The following KLHDC10 variants were observed in gnomAD, a reference collection of about 807,000 sequenced individuals.
KLHDC10 encodes kelch domain-containing protein 10.
Under a neutral mutation model 56.1 loss-of-function variants are expected in KLHDC10, and 24 were observed. The ratio of observed to expected loss-of-function variants is 0.43; its 90% CI spans 0.31 to 0.60. KLHDC10 has a LOEUF of 0.60. Ranked by LOEUF, KLHDC10 falls within the 20% of genes least tolerant of loss-of-function variation. KLHDC10 has a pLI of 0.11. For synonymous variants in KLHDC10, 188 were observed against 207.1 expected (o/e 0.91, Z 0.79); for missense variants, 349 against 567.0 (o/e 0.62, Z 3.91).
chr7:130,115,037 G>A (rs551637893), intron 2 of KLHDC10, among the ~76,000 whole-genome samples: 8 of 151,244 alleles, frequency 5.3e-5, no homozygotes, highest in Admixed American at 1.3e-4. Context: ...ACTGTTTTTT[G>A]TTGCTCTCAA....
Position 130,120,929 on chromosome 7 carries a change from G to A in KLHDC10, c.630+26G>A, listed in dbSNP as rs372062423. The A allele has an allele frequency of 1.9e-6, 3 of 1,605,012 alleles. No individual in the cohort carries two copies. Among genetic ancestry groups the A allele is most frequent in the African/African-American group, 2.7e-5 (2 of 74,584 alleles). On this transcript the variant is annotated intron_variant, in intron 4 of 9. Coordinates refer to ENST00000335420, the MANE Select transcript of KLHDC10 (RefSeq NM_014997.4). The surrounding 1 kb of genome is among the most constrained non-coding windows in gnomAD (Gnocchi z 5.1). Reference sequence around the variant, plus strand: ...GTACCAATCTGTGGCCAGTCATGGTGTATTTGTTCATATTTTTCTAGTCTG... The same window carrying A: ...GTACCAATCTGTGGCCAGTCATGGTATATTTGTTCATATTTTTCTAGTCTG...
rs1013785794 is a variant in KLHDC10, at chr7:130,126,351, G to T, written c.931+420G>T. 5.3e-5 allele frequency among the ~76,000 whole-genome samples: 8 copies of T among 151,938 alleles called. No homozygotes were observed. In the South Asian group the frequency reaches 6.2e-4, roughly 12 times the overall value. On this transcript the variant is annotated intron_variant, in intron 7 of 9. Coordinates refer to ENST00000335420, the MANE Select transcript of KLHDC10 (RefSeq NM_014997.4). ...AGAAAAATCTGTTGAACTGGTATTAGAAAATACTTGTATTCCTTAGCCCAA... is the reference window on the plus strand; with the variant it reads ...AGAAAAATCTGTTGAACTGGTATTATAAAATACTTGTATTCCTTAGCCCAA...
intron 1 of KLHDC10, among the ~76,000 whole-genome samples, chr7:130,084,813 A>G (rs960145186): frequency 5.3e-5 from 8 of 151,924 alleles, no homozygotes; most frequent in African/African-American, 1.9e-4. Flanking sequence ...GTCTTGAGCA[A>G]TTGGATAGAT....
In KLHDC10 at chr7:130,070,778, C is replaced by G; in HGVS notation, c.135C>G (p.Phe45Leu). 2 of 1,307,036 alleles carry G rather than the reference C, an allele frequency of 1.5e-6. No individual in the cohort carries two copies. Among genetic ancestry groups the G allele is most frequent in the Non-Finnish European group, 2.0e-6 (2 of 1,025,418 alleles). The allele number at this position is 1,307,036 out of a possible 1,614,324, so 81.0% of individuals were successfully genotyped here. ...GGRGTGQLNR[F>L]VQLSGRPHLP... ...GGGGGACTGGCCAGCTCAACCGCTT[C>G]GTGCAACTCTCCGGGCGGCCGCACC... Residue 45 changes from phenylalanine (F) to leucine (L), a missense_variant, in exon 1 of 10, where the codon TTC (phenylalanine) becomes TTG (leucine). Phe to Leu is a conservative substitution (Grantham distance 22). This residue lies in a region of KLHDC10 where 104 missense variants were observed against 97.0 expected (regional missense o/e 1.07). Transcript: ENST00000335420.
chr7:130,128,887 AAAATATATATATATATAT>A (rs1332069889), intron 8 of KLHDC10, among the ~76,000 whole-genome samples: 1 of 68,282 alleles, frequency 1.5e-5, no homozygotes, highest in African/African-American at 6.8e-5. Flanking sequence ...AAAAAAAAAA[AAAATATATATATATATAT>A]ATATATATAT....
intron 2 of KLHDC10, among the ~76,000 whole-genome samples, chr7:130,109,620 C>T (rs1420611567): frequency 6.6e-6 from 1 of 151,854 alleles, no homozygotes; most frequent in Non-Finnish European, 1.5e-5. Context: ...ATTATTTTGC[C>T]ACTATCCTAA....
chr7:130,118,104 G>A (rs1796195466), intron 3 of KLHDC10, among the ~76,000 whole-genome samples: 1 of 151,980 alleles, frequency 6.6e-6, no homozygotes, highest in Non-Finnish European at 1.5e-5. Flanking sequence ...ACCTGGGAAG[G>A]TGGGGGTTGC....
At position 130,129,469 on chromosome 7, in the gene KLHDC10, G is replaced by A. The variant is rs764878845; in HGVS notation, c.1012G>A (p.Val338Met). 1.9e-6 allele frequency: 3 copies of A among 1,614,044 alleles called. No homozygotes were observed. The highest frequency in any genetic ancestry group is 2.2e-5 in the South Asian group (2 of 91,086). The change falls in exon 9 of 10, where the codon GTG becomes ATG. Residue 338 changes from valine to methionine, a missense_variant. Transcript: ENST00000335420. ...VFICGGYNGE[V>M]ILGDIWKLNL... ...TATTTGTGGGGGCTATAATGGAGAG[G>A]TGATCCTGGGAGATATCTGGAAGTT...
At chr7:130,095,202 C>T (rs1331775994) in intron 1 of KLHDC10, among the ~76,000 whole-genome samples, 1 of 151,626 alleles carries the variant, frequency 6.6e-6, no homozygotes, top group Non-Finnish European at 1.5e-5. Flanking sequence ...TAAACCTGTA[C>T]ATTAAAAATA....
chr7:130,085,896 A>T (rs1795683216), intron 1 of KLHDC10, among the ~76,000 whole-genome samples: 1 of 151,840 alleles, frequency 6.6e-6, no homozygotes, highest in Non-Finnish European at 1.5e-5. Flanking sequence ...ACTTTGTACT[A>T]CCATTAGTAC....
rs914783508 is a variant in KLHDC10 at position 130,130,132 on chromosome 7, C to T, written c.1120-405C>T. Reference sequence around the variant, plus strand: ...GAGATTGAGACCATCCTGGCTAACACGGATGAAACCCCATCTCTACTAAAA... The same window carrying T: ...GAGATTGAGACCATCCTGGCTAACATGGATGAAACCCCATCTCTACTAAAA... On this transcript the variant is annotated intron_variant, in intron 9 of 9. Transcript: ENST00000335420. The surrounding 1 kb of genome is among the most constrained non-coding windows in gnomAD (Gnocchi z 4.2). Among the ~76,000 whole-genome samples, 50 of 151,678 alleles carry T rather than the reference C, an allele frequency of 3.3e-4. No homozygotes were observed. Among genetic ancestry groups the T allele is most frequent in the Admixed American group, 1.4e-3 (21 of 15,244 alleles).
Position 130,135,536 on chromosome 7 carries a change from G to T in KLHDC10, c.*4790G>T, listed in dbSNP as rs1796462742. 6.5e-6 allele frequency: 1 copy of T among 154,474 alleles called. No individual in the cohort carries two copies. The highest frequency in any genetic ancestry group is 2.0e-4 in the South Asian group (1 of 4,920). The allele number at this position is 154,474 out of a possible 1,614,324, so 9.6% of individuals were successfully genotyped here. ...TGTGGACGTCCTTTTGCAGTCTGGT[G>T]TGCATGCCATATGATCAGGACAGCT... On this transcript the variant is annotated 3_prime_UTR_variant, in exon 10 of 10. Coordinates refer to ENST00000335420, the MANE Select transcript of KLHDC10 (RefSeq NM_014997.4).
rs1796388225 is a variant in KLHDC10, at chr7:130,130,667, TC to T, written c.1253del (p.Pro418LeufsTer24). Reference protein sequence around the residue: ...ELAWEKLLAAFPNLANLSRTQ... With the variant: ...ELAWEKLLAAXPNLANLSRTQ... Reference sequence around the variant, plus strand: ...GCATGGGAGAAGCTGCTTGCGGCCTTCCCTAACCTTGCAAACCTCTCCCGAA... The same window carrying T: ...GCATGGGAGAAGCTGCTTGCGGCCTTCCTAACCTTGCAAACCTCTCCCGAA... On this transcript the variant is annotated frameshift_variant, in exon 10 of 10. Coordinates refer to ENST00000335420, the MANE Select transcript of KLHDC10 (RefSeq NM_014997.4). LOFTEE classifies it high-confidence loss of function. This position sits in a 1 kb window ranked among gnomAD's most constrained non-coding sequence, Gnocchi z 4.2. 1.2e-6 allele frequency: 2 copies of T among 1,614,156 alleles called. No homozygotes were observed. Among genetic ancestry groups the T allele is most frequent in the Non-Finnish European group, 1.7e-6 (2 of 1,180,038 alleles).
At chr7:130,080,559 A>T (rs1795589042) in intron 1 of KLHDC10, among the ~76,000 whole-genome samples, 1 of 151,690 alleles carries the variant, frequency 6.6e-6, no homozygotes, top group Non-Finnish European at 1.5e-5. Context: ...CACCTGGCTA[A>T]TTAAAAAAAA....
chr7:130,133,005 CAGTCTTCTTTGAGGT>C lies in KLHDC10; in HGVS notation c.*2262_*2276del, dbSNP rs1457294798. The C allele has an allele frequency of 6.6e-6, 1 of 152,252 alleles. No homozygotes were observed. The highest frequency in any genetic ancestry group is 1.5e-5 in the Non-Finnish European group (1 of 68,052). The allele number at this position is 152,252 out of a possible 1,614,324, so 9.4% of individuals were successfully genotyped here. A position where few individuals can be genotyped will look rare whatever the true frequency, so the allele number is the denominator to read the frequency against. On this transcript the variant is annotated 3_prime_UTR_variant, in exon 10 of 10. Coordinates refer to ENST00000335420, the MANE Select transcript of KLHDC10 (RefSeq NM_014997.4). ...CATCCTTTGTTAAGCCTTCTGAGGG[CAGTCTTCTTTGAGGT>C]AGACCTTGGAGGCCTGACATCGAAG... is the stretch of plus-strand genomic sequence containing the variant.
intron 8 of KLHDC10, among the ~76,000 whole-genome samples, chr7:130,128,919 T>TATACAC (rs1292651924): frequency 2.1e-4 from 24 of 115,684 alleles, no homozygotes; most frequent in African/African-American, 7.7e-4. Context: ...TATATATATA[T>TATACAC]ACATACTAGC....
At chr7:130,075,419 A>G (rs1584615627) in intron 1 of KLHDC10, among the ~76,000 whole-genome samples, 1 of 152,246 alleles carries the variant, frequency 6.6e-6, no homozygotes, top group Non-Finnish European at 1.5e-5. Flanking sequence ...AAAAAAGTAT[A>G]TGGTAAAAGG....
intron 1 of KLHDC10, among the ~76,000 whole-genome samples, chr7:130,077,358 A>AC (rs1157154599): frequency 7.2e-6 from 1 of 138,696 alleles, no homozygotes; most frequent in East Asian, 2.0e-4. Flanking sequence ...TGTCTCAAAA[A>AC]AAAAAAAAAA....
At chr7:130,080,002 T>C (rs1795581063) in intron 1 of KLHDC10, among the ~76,000 whole-genome samples, 1 of 135,770 alleles carries the variant, frequency 7.4e-6, no homozygotes, top group Non-Finnish European at 1.7e-5. Context: ...AGTGCAGTGG[T>C]GCAATCATAG....
Sources: allele counts gnomAD v4.1 joint callset (sites outside exome capture counted in the v4.1 genomes callset), GRCh38; gene constraint gnomAD v4.1.1; regional missense constraint gnomAD v4.1.1; non-coding constraint Gnocchi (gnomAD v3.1); transcripts MANE v1.5; gene names NCBI Gene and HGNC (gene_info 2026-07-23, HGNC 2026-07-21).